DOCK2: variants seen among roughly 807,000 people sequenced by gnomAD.
DOCK2 encodes the protein dedicator of cytokinesis protein 2.
Under a neutral mutation model 248.9 loss-of-function variants are expected in DOCK2, and 87 were observed. The ratio of observed to expected loss-of-function variants is 0.35; its 90% CI spans 0.29 to 0.42. The LOEUF (loss-of-function observed/expected upper bound fraction) is 0.42, where lower values mean the gene tolerates loss of function less well. DOCK2 is among the 10% of genes least tolerant of loss of function. The pLI is 1.00. For missense variants in DOCK2, 1,747 were observed against 2,300.2 expected, an observed-to-expected ratio of 0.76 and a Z score of 4.92; for synonymous variants, 805 against 821.6, an observed-to-expected ratio of 0.98 and a Z score of 0.35.
chr5:169,740,213 G>C (rs75229328), intron 22 of DOCK2, among the ~76,000 whole-genome samples: 9,633 of 152,082 alleles, frequency 0.063, 303 homozygotes, highest in South Asian at 0.12. Context: ...TTATTACACA[G>C]GGTTGCCATA....
chr5:169,694,017 G>T (rs1405790196), intron 9 of DOCK2, among the ~76,000 whole-genome samples: 1 of 152,222 alleles, frequency 6.6e-6, no homozygotes, highest in Non-Finnish European at 1.5e-5. Flanking sequence ...TGACCAAACA[G>T]CTAGGCACCA....
intron 27 of DOCK2, among the ~76,000 whole-genome samples, chr5:169,905,299 T>C (rs868791112): frequency 0.015 from 2,200 of 151,094 alleles, 20 homozygotes; most frequent in Non-Finnish European, 0.024. Flanking sequence ...CAGTGTTTTT[T>C]TTTTTTTTCA....
Position 170,069,269 on chromosome 5 carries a change from C to T in DOCK2, c.4728+49C>T, listed in dbSNP as rs375768452. 6.2e-5 allele frequency: 99 copies of T among 1,595,072 alleles called. No individual in the cohort carries two copies. The African/African-American group carries it at 1.1e-3, about 18-fold the overall frequency. ...GCATGCTGCTCTCCTTCCTCTCCCCCCACCGTGGTTCACTTGCCCCACGCT... is the reference window on the plus strand; with the variant it reads ...GCATGCTGCTCTCCTTCCTCTCCCCTCACCGTGGTTCACTTGCCCCACGCT... On this transcript the variant is annotated intron_variant, in intron 46 of 51. Transcript: ENST00000520908.
intron 35 of DOCK2, 77 bp downstream of exon 35, chr5:170,034,632 G>C (rs1252584361): frequency 6.4e-7 from 1 of 1,564,700 alleles, no homozygotes; most frequent in South Asian, 1.2e-5. Flanking sequence ...TCTCACGATT[G>C]TTCTTCATAG....
intron 1 of DOCK2, among the ~76,000 whole-genome samples, chr5:169,644,388 A>G (rs1383031782): frequency 6.6e-6 from 1 of 152,122 alleles, no homozygotes; most frequent in Non-Finnish European, 1.5e-5. Flanking sequence ...ACAGTGAGAT[A>G]TGCTTAGATT....
At chr5:169,711,308 G>A (rs1011051859) in intron 15 of DOCK2, among the ~76,000 whole-genome samples, 2 of 152,152 alleles carry the variant, frequency 1.3e-5, no homozygotes, top group African/African-American at 4.8e-5. Flanking sequence ...ACAGAGCCAG[G>A]CTGAAAGCAT....
chr5:170,020,232 T>C (rs1755674559), intron 33 of DOCK2, among the ~76,000 whole-genome samples: 1 of 152,062 alleles, frequency 6.6e-6, no homozygotes, highest in African/African-American at 2.4e-5. Context: ...CCTTCGGGCA[T>C]TTTTTTTCTT....
At chr5:169,687,068 A>G (rs1760027248) in intron 8 of DOCK2, among the ~76,000 whole-genome samples, 1 of 152,018 alleles carries the variant, frequency 6.6e-6, no homozygotes, top group Non-Finnish European at 1.5e-5. Context: ...CTTATTTATG[A>G]TTGTGCTTCT....
chr5:169,670,478 A>C lies in DOCK2; in HGVS notation c.169-64A>C. The C allele has an allele frequency of 1.4e-4, 203 of 1,491,840 alleles. 1 individual carries two copies. The highest frequency in any genetic ancestry group is 1.6e-4 in the Non-Finnish European group (178 of 1,086,858). The allele number at this position is 1,491,840 out of a possible 1,614,324, so 92.4% of individuals were successfully genotyped here. Reference sequence around the variant, plus strand: ...AAAAAAATTATAAAGACGTAGGGTCATTCATTTCTGTGGTGATATATCTTT... The same window carrying C: ...AAAAAAATTATAAAGACGTAGGGTCCTTCATTTCTGTGGTGATATATCTTT... On this transcript the variant is annotated intron_variant, in intron 3 of 51. Transcript: ENST00000520908.
At chr5:169,778,044 C>G (rs933164013) in intron 25 of DOCK2, among the ~76,000 whole-genome samples, 7 of 152,186 alleles carry the variant, frequency 4.6e-5, no homozygotes, top group Admixed American at 2.0e-4. Context: ...CTAACTGTAA[C>G]CTAGGGTTCA....
intron 1 of DOCK2, 102 bp from the exon 2 acceptor site, chr5:169,654,294 AGGTGGGC>A: frequency 1.6e-6 from 2 of 1,223,592 alleles, no homozygotes; most frequent in South Asian, 2.7e-5. Context: ...TGTTTAGCCC[AGGTGGGC>A]TGCGTGGGCA....
intron 1 of DOCK2, among the ~76,000 whole-genome samples, chr5:169,648,805 T>A (rs982037527): frequency 1.3e-5 from 2 of 152,228 alleles, no homozygotes; most frequent in Non-Finnish European, 2.9e-5. Context: ...AGGAAGTGTT[T>A]GGCAGAGGTT....
At chr5:169,864,137 G>A (rs747714801) in intron 27 of DOCK2, 1 of 757,552 alleles carries the variant, frequency 1.3e-6, no homozygotes, top group Admixed American at 2.6e-5. Context: ...CAGCTCCAAG[G>A]CTCTTCTGTT....
At chr5:169,759,866 C>G in intron 24 of DOCK2, 91 bp downstream of exon 24, 1 of 1,419,084 alleles carries the variant, frequency 7.0e-7, no homozygotes, top group Non-Finnish European at 9.9e-7. Flanking sequence ...TCCAGATGGG[C>G]ACTCAGCTTG....
intron 27 of DOCK2, among the ~76,000 whole-genome samples, chr5:169,872,266 C>T (rs1772025223): frequency 6.6e-6 from 1 of 152,202 alleles, no homozygotes; most frequent in South Asian, 2.1e-4. Flanking sequence ...TCAATGGATG[C>T]AGCGAGAGTA....
intron 27 of DOCK2, among the ~76,000 whole-genome samples, chr5:169,949,162 T>A (rs536950689): frequency 6.6e-6 from 1 of 152,328 alleles, no homozygotes; most frequent in Admixed American, 6.5e-5. Flanking sequence ...TCGAAGACTG[T>A]TCCATTTATG....
chr5:169,975,116 G>T (rs1466725501), intron 27 of DOCK2, among the ~76,000 whole-genome samples: 1 of 152,204 alleles, frequency 6.6e-6, no homozygotes. Context: ...ACCTGCTGAA[G>T]GAGGGCCAGA....
chr5:169,996,166 T>C lies in DOCK2; in HGVS notation c.3072+2T>C, dbSNP rs1038360768. The stretch of plus-strand genomic sequence containing the variant: ...GAACACACGAACTTTGAGTTCCAGG[T>C]GAGTATAAGCCACCAGAGCTACCCT... On this transcript the variant is annotated splice_donor_variant, in intron 30 of 51. Coordinates refer to ENST00000520908, the MANE Select transcript of DOCK2 (RefSeq NM_004946.3). LOFTEE classifies it high-confidence loss of function. The C allele has an allele frequency of 1.9e-6, 3 of 1,613,640 alleles. No individual in the cohort carries two copies. The highest frequency in any genetic ancestry group is 2.5e-6 in the Non-Finnish European group (3 of 1,179,752).
chr5:170,000,829 G>A (rs1165636943), intron 30 of DOCK2, among the ~76,000 whole-genome samples: 1 of 152,126 alleles, frequency 6.6e-6, no homozygotes, highest in African/African-American at 2.4e-5. Context: ...TTGATATCCT[G>A]TGAAATGAAA....
Sources: allele counts gnomAD v4.1 joint callset (sites outside exome capture counted in the v4.1 genomes callset), GRCh38; gene constraint gnomAD v4.1.1; transcripts MANE v1.5; gene names NCBI Gene and HGNC (gene_info 2026-07-23, HGNC 2026-07-21).